Variants in FMNL2 observed in about 807,000 individuals in gnomAD.
FMNL2 encodes formin-like protein 2.
Under a neutral mutation model 130.2 loss-of-function variants are expected in FMNL2, and 51 were observed. The ratio of observed to expected loss-of-function variants is 0.39; its 90% CI spans 0.31 to 0.49. The LOEUF (loss-of-function observed/expected upper bound fraction) is 0.49, where lower values mean the gene tolerates loss of function less well. FMNL2 is among the 20% of genes least tolerant of loss of function. The pLI, the probability that FMNL2 is intolerant of heterozygous loss-of-function variation, is 0.85. For synonymous variants in FMNL2, 465 were observed against 467.1 expected (o/e 1.00, Z 0.06); for missense variants, 977 against 1,316.2 (o/e 0.74, Z 3.99).
At chr2:152,535,221 A>T (rs915556383) in intron 2 of FMNL2, among the ~76,000 whole-genome samples, 1 of 152,084 alleles carries the variant, frequency 6.6e-6, no homozygotes, top group Admixed American at 6.5e-5. Flanking sequence ...ACTCAGCTAA[A>T]CCTCTTGAAG....
In FMNL2 at chr2:152,578,919, A is replaced by C. The variant is rs1696624578; in HGVS notation, c.737A>C (p.His246Pro). 1 of 1,613,492 alleles carries C rather than the reference A, an allele frequency of 6.2e-7. No homozygotes were observed. The highest frequency in any genetic ancestry group is 8.5e-7 in the Non-Finnish European group (1 of 1,179,710). The change falls in exon 8 of 26, where the codon CAC (histidine) becomes CCC (proline). Residue 246 changes from histidine (H) to proline (P), a missense_variant. Around this residue, in one of 4 missense-constraint regions of FMNL2, gnomAD observed 689 missense variants for 995.9 expected, o/e 0.69. Coordinates refer to ENST00000288670, the MANE Select transcript of FMNL2 (RefSeq NM_052905.4). The part of the protein sequence containing the change: ...YGFNMVMSHP[H>P]AVNEIALSLN... The stretch of plus-strand genomic sequence containing the variant: ...TTCAACATGGTCATGTCTCATCCAC[A>C]CGCTGTCAATGAGATTGCACTAAGC...
chr2:152,515,105 A>G (rs1462253231), intron 1 of FMNL2, among the ~76,000 whole-genome samples: 1 of 152,186 alleles, frequency 6.6e-6, no homozygotes, highest in Admixed American at 6.5e-5. Context: ...AAGCCCACAC[A>G]TTAGAAACCA....
chr2:152,395,452 T>C (rs986220246), intron 1 of FMNL2, among the ~76,000 whole-genome samples: 1 of 152,246 alleles, frequency 6.6e-6, no homozygotes, highest in African/African-American at 2.4e-5. Context: ...CCAGATGGCC[T>C]GTTAGCTTTC....
intron 21 of FMNL2, among the ~76,000 whole-genome samples, 176 bp from the exon 22 acceptor site, chr2:152,636,251 T>C (rs4664599): frequency 0.2 from 30,784 of 152,248 alleles, 4,016 homozygotes; most frequent in Non-Finnish European, 0.3. Flanking sequence ...AAGAATGTAA[T>C]GTAGTGCTTA....
At chr2:152,553,956 T>A (rs902930107) in intron 4 of FMNL2, among the ~76,000 whole-genome samples, 6 of 152,194 alleles carry the variant, frequency 3.9e-5, no homozygotes, top group African/African-American at 1.2e-4. Flanking sequence ...TTGGGTCTTA[T>A]ACACACTTAG....
rs1486442746 is a variant in FMNL2 at position 152,581,032 on chromosome 2, T to C, written c.859T>C (p.Phe287Leu). The change falls in exon 9 of 26, where the codon TTT becomes CTT. Residue 287 changes from phenylalanine (F) to leucine (L), a missense_variant. Transcript: ENST00000288670. ...CGGGCATGAAATCATTTTATCAGCA[T>C]TTGATAACTTTAAAGAGGTAGGCTA... ...RGGHEIILSA[F>L]DNFKEVCGEK... is the part of the protein sequence containing the mutation. 1 of 1,613,704 alleles carries C rather than the reference T, an allele frequency of 6.2e-7. No homozygotes were observed. Among genetic ancestry groups the C allele is most frequent in the African/African-American group, 1.3e-5 (1 of 74,914 alleles).
At chr2:152,563,797 C>G (rs1695660443) in intron 6 of FMNL2, among the ~76,000 whole-genome samples, 1 of 152,110 alleles carries the variant, frequency 6.6e-6, no homozygotes, top group Non-Finnish European at 1.5e-5. Flanking sequence ...ATTAATCTCT[C>G]ATGCCACCAC....
At chr2:152,555,636 C>T (rs1372907838) in intron 4 of FMNL2, among the ~76,000 whole-genome samples, 2 of 152,220 alleles carry the variant, frequency 1.3e-5, no homozygotes, top group Non-Finnish European at 2.9e-5. Flanking sequence ...CAATTTCTTC[C>T]AGAGCTATTT....
chr2:152,548,386 A>T (rs2459776), intron 3 of FMNL2, among the ~76,000 whole-genome samples: 43,292 of 152,010 alleles, frequency 0.28, 6,762 homozygotes, highest in African/African-American at 0.4. Flanking sequence ...GTGCCTAAAC[A>T]GTTTATGAAA....
chr2:152,377,553 T>G (rs1226300663), intron 1 of FMNL2, among the ~76,000 whole-genome samples: 4 of 152,242 alleles, frequency 2.6e-5, no homozygotes, highest in Non-Finnish European at 5.9e-5. Context: ...CTAGCTACAT[T>G]ACAGGTACAC....
At chr2:152,623,489 T>A (rs1049477714) in intron 15 of FMNL2, among the ~76,000 whole-genome samples, 7 of 152,022 alleles carry the variant, frequency 4.6e-5, no homozygotes, top group African/African-American at 1.7e-4. Context: ...TGCATGCTTT[T>A]GTGTGGATTT....
intron 6 of FMNL2, among the ~76,000 whole-genome samples, chr2:152,569,130 C>G (rs1469301968): frequency 8.1e-6 from 1 of 123,864 alleles, no homozygotes; most frequent in Admixed American, 8.5e-5. Flanking sequence ...TTTTTTGACT[C>G]CTTTGTGATG....
rs191613642 is a variant in FMNL2 at position 152,510,758 on chromosome 2, C to T, written c.118-11185C>T. Among the ~76,000 whole-genome samples the T allele has an allele frequency of 5.1e-3, 769 of 152,220 alleles. 6 individuals are homozygous for T. Among genetic ancestry groups the T allele is most frequent in the Admixed American group, 0.01 (159 of 15,290 alleles). Reference sequence around the variant, plus strand: ...AAAACTAAGAGCAGAAAAATTAATCCACTTGTCATACACCAGAAGGCCTGC... The same window carrying T: ...AAAACTAAGAGCAGAAAAATTAATCTACTTGTCATACACCAGAAGGCCTGC... On this transcript the variant is annotated intron_variant, in intron 1 of 25. Coordinates refer to ENST00000288670, the MANE Select transcript of FMNL2 (RefSeq NM_052905.4).
At chr2:152,613,285 A>G (rs565139185) in intron 11 of FMNL2, among the ~76,000 whole-genome samples, 1 of 152,266 alleles carries the variant, frequency 6.6e-6, no homozygotes, top group Non-Finnish European at 1.5e-5. Context: ...CAAAAATTGG[A>G]TGTATAAATT....
At chr2:152,602,715 A>G (rs1374978248) in intron 9 of FMNL2, among the ~76,000 whole-genome samples, 1 of 152,236 alleles carries the variant, frequency 6.6e-6, no homozygotes, top group Non-Finnish European at 1.5e-5. Context: ...ATGCCCATCA[A>G]TATAGAATGT....
chr2:152,514,909 C>T (rs1442113280), intron 1 of FMNL2, among the ~76,000 whole-genome samples: 1 of 152,032 alleles, frequency 6.6e-6, no homozygotes, highest in East Asian at 1.9e-4. Context: ...TTTAATTTTG[C>T]CCAAACTCTA....
chr2:152,497,746 A>G (rs1196020968), intron 1 of FMNL2, among the ~76,000 whole-genome samples: 1 of 152,220 alleles, frequency 6.6e-6, no homozygotes, highest in Non-Finnish European at 1.5e-5. Context: ...ACACAAATGT[A>G]TTAGCTCATA....
intron 1 of FMNL2, among the ~76,000 whole-genome samples, chr2:152,416,911 G>A (rs1410098480): frequency 2.6e-5 from 4 of 152,204 alleles, no homozygotes; most frequent in Admixed American, 6.6e-5. Flanking sequence ...ACTAACCTGT[G>A]TGGATGTTTC....
intron 1 of FMNL2, among the ~76,000 whole-genome samples, chr2:152,520,654 G>A (rs1017053438): frequency 6.6e-6 from 1 of 151,942 alleles, no homozygotes; most frequent in African/African-American, 2.4e-5. Context: ...AAATCTGATG[G>A]ATTAGACTCA....
Sources: gnomAD v4.1 joint callset for allele counts (sites outside exome capture counted in the v4.1 genomes callset) on GRCh38, gnomAD v4.1.1 for gene constraint, gnomAD v4.1.1 regional missense constraint, MANE v1.5 for transcripts, NCBI Gene and HGNC (gene_info 2026-07-23, HGNC 2026-07-21) for gene names.